Variants in EFCAB11 observed in about 807,000 individuals in gnomAD.
EFCAB11 encodes the protein EF-hand calcium binding domain 11.
A neutral mutation model predicts 23.0 loss-of-function variants in EFCAB11; 14 were observed. The observed-to-expected ratio is 0.61, with a 90% CI of 0.40 to 0.95. The LOEUF (loss-of-function observed/expected upper bound fraction) is 0.95. EFCAB11 is among the 40% of genes least tolerant of loss of function. EFCAB11 has a pLI of 0.00. For synonymous variants in EFCAB11, 65 were observed against 66.6 expected (o/e 0.98, Z 0.11); for missense variants, 198 against 195.8 (o/e 1.01, Z -0.07).
intron 5 of EFCAB11, among the ~76,000 whole-genome samples, chr14:89,805,068 G>A (rs995886436): frequency 6.6e-6 from 1 of 152,204 alleles, no homozygotes; most frequent in Non-Finnish European, 1.5e-5. Context: ...GAACTGTGAA[G>A]GGTAAGAGAA....
intron 5 of EFCAB11, among the ~76,000 whole-genome samples, chr14:89,879,795 C>T (rs577324675): frequency 9.2e-5 from 14 of 152,198 alleles, no homozygotes; most frequent in African/African-American, 3.4e-4. Flanking sequence ...ACCCAATATT[C>T]AGCTTGACCC....
intron 5 of EFCAB11, among the ~76,000 whole-genome samples, chr14:89,873,616 G>A (rs965919283): frequency 1.3e-5 from 2 of 152,164 alleles, no homozygotes; most frequent in African/African-American, 4.8e-5. Flanking sequence ...ATGGGGGTAC[G>A]GGCATTGGAT....
chr14:89,926,569 A>G (rs1425431851), intron 5 of EFCAB11, among the ~76,000 whole-genome samples: 1 of 152,220 alleles, frequency 6.6e-6, no homozygotes, highest in African/African-American at 2.4e-5. Flanking sequence ...ATGCAGCACA[A>G]AGGAGAATAG....
chr14:89,904,719 A>C (rs943613738), intron 5 of EFCAB11, among the ~76,000 whole-genome samples: 1 of 152,158 alleles, frequency 6.6e-6, no homozygotes, highest in African/African-American at 2.4e-5. Context: ...CATTTCTCTG[A>C]CGACCAGTGA....
intron 4 of EFCAB11, among the ~76,000 whole-genome samples, chr14:89,932,085 T>C (rs978835579): frequency 1.3e-5 from 2 of 152,332 alleles, no homozygotes; most frequent in African/African-American, 4.8e-5. Context: ...CATGAGTCTT[T>C]TCATTCTGTG....
intron 2 of EFCAB11, among the ~76,000 whole-genome samples, chr14:89,951,604 A>T (rs1891168712): frequency 6.6e-6 from 1 of 152,106 alleles, no homozygotes. Flanking sequence ...ATTAAATAGA[A>T]ACAATAAATT....
chr14:89,859,787 G>A (rs1019733903), intron 5 of EFCAB11, among the ~76,000 whole-genome samples: 2 of 152,202 alleles, frequency 1.3e-5, no homozygotes, highest in Non-Finnish European at 2.9e-5. Context: ...AGGCAGAGGA[G>A]GGGGCATGAG....
At chr14:89,927,459 T>C (rs1179824997) in intron 5 of EFCAB11, among the ~76,000 whole-genome samples, 2 of 152,026 alleles carry the variant, frequency 1.3e-5, no homozygotes, top group East Asian at 1.9e-4. Flanking sequence ...ATTGTGGACC[T>C]GGGTAAAGAA....
intron 3 of EFCAB11, among the ~76,000 whole-genome samples, chr14:89,935,659 G>A (rs1309150737): frequency 6.6e-6 from 1 of 152,224 alleles, no homozygotes; most frequent in Non-Finnish European, 1.5e-5. Flanking sequence ...CAGAGAGGTT[G>A]AGGTCAGGAG....
intron 5 of EFCAB11, among the ~76,000 whole-genome samples, chr14:89,896,380 A>G (rs1889161335): frequency 2.6e-5 from 4 of 151,022 alleles, no homozygotes; most frequent in African/African-American, 9.8e-5. Context: ...GCAGAGCGAG[A>G]CTCTGTCTCA....
chr14:89,894,320 A>G lies in EFCAB11; in HGVS notation c.410+37221T>C, dbSNP rs550946577. 5.9e-5 allele frequency among the ~76,000 whole-genome samples: 9 copies of G among 151,866 alleles called. No homozygotes were observed. The East Asian group carries it at 1.6e-3, about 26-fold the overall frequency. ...ACGTGCAGGTTTGTTACATAGGTAT[A>G]CAAGTGCCATGGTGGTTTGCTGCAC... On this transcript the variant is annotated intron_variant, in intron 5 of 5. Transcript: ENST00000316738.
At chr14:89,903,425 T>G (rs779866460) in intron 5 of EFCAB11, among the ~76,000 whole-genome samples, 2 of 152,206 alleles carry the variant, frequency 1.3e-5, no homozygotes, top group Non-Finnish European at 2.9e-5. Flanking sequence ...AAAAATTATA[T>G]ACTCCAGGAA....
In EFCAB11 at chr14:89,867,401, C is replaced by T. The variant is rs376956861; in HGVS notation, c.410+64140G>A. On this transcript the variant is annotated intron_variant, in intron 5 of 5. Coordinates refer to ENST00000316738, the MANE Select transcript of EFCAB11 (RefSeq NM_145231.4). ...ATGGAGCTTCTGCTGGTGCCAACAT[C>T]ATGTTAATGTGTGGCCTTTTCCAGA... Among the ~76,000 whole-genome samples, 5 of 152,150 alleles carry T rather than the reference C, an allele frequency of 3.3e-5. No individual in the cohort carries two copies. In the South Asian group the frequency reaches 1.0e-3, roughly 32 times the overall value.
intron 3 of EFCAB11, among the ~76,000 whole-genome samples, chr14:89,946,972 T>C (rs144567659): frequency 2.6e-5 from 4 of 152,310 alleles, no homozygotes; most frequent in African/African-American, 9.6e-5. Context: ...AAAGGAAAGA[T>C]ACTATTAAGG....
At chr14:89,849,607 T>TTG (rs1491378704) in intron 5 of EFCAB11, among the ~76,000 whole-genome samples, 170 of 12,738 alleles carry the variant, frequency 0.013, 1 homozygote, top group Middle Eastern at 0.13. Flanking sequence ...AGGAAATCTG[T>TTG]TTTTTTTTTT....
Position 89,888,930 on chromosome 14 carries a change from T to G in EFCAB11, c.410+42611A>C, listed in dbSNP as rs548083142. Among the ~76,000 whole-genome samples, 313 of 152,340 alleles carry G rather than the reference T, an allele frequency of 2.1e-3. 1 individual carries two copies. The highest frequency in any genetic ancestry group is 7.3e-3 in the African/African-American group (305 of 41,564). ...GCTGTGATACTGTCTCTGTTTGCAG[T>G]TCTAATTGCTAAATTTCAGAAAATA... On this transcript the variant is annotated intron_variant, in intron 5 of 5. Coordinates refer to ENST00000316738, the MANE Select transcript of EFCAB11 (RefSeq NM_145231.4).
At chr14:89,920,978 T>C (rs1890004263) in intron 5 of EFCAB11, among the ~76,000 whole-genome samples, 1 of 149,766 alleles carries the variant, frequency 6.7e-6, no homozygotes, top group Admixed American at 6.7e-5. Flanking sequence ...GGCAGGAGAA[T>C]CACTTGAACC....
intron 5 of EFCAB11, 87 bp downstream of exon 5, chr14:89,931,453 AT>A: frequency 1.6e-6 from 2 of 1,215,754 alleles, no homozygotes; most frequent in East Asian, 4.7e-5. Context: ...AAAAATCAGA[AT>A]AAATAAGTTC....
At chr14:89,878,169 T>C (rs957247869) in intron 5 of EFCAB11, among the ~76,000 whole-genome samples, 1 of 152,200 alleles carries the variant, frequency 6.6e-6, no homozygotes, top group African/African-American at 2.4e-5. Context: ...TAAAAGATGA[T>C]CTGAGCAATG....
Sources: allele counts gnomAD v4.1 joint callset (sites outside exome capture counted in the v4.1 genomes callset), GRCh38; gene constraint gnomAD v4.1.1; transcripts MANE v1.5; gene names NCBI Gene and HGNC (gene_info 2026-07-23, HGNC 2026-07-21).